The following RADIL variants were observed in gnomAD, a reference collection of about 807,000 sequenced individuals.
RADIL encodes Rap associating with DIL domain.
RADIL carries 99 observed loss-of-function variants against 97.6 expected under a neutral mutation model. That is an observed-to-expected ratio of 1.01 (90% CI 0.86 to 1.20). The LOEUF is 1.20. RADIL is among the 50% of genes most tolerant of loss of function. RADIL has a pLI of 0.00. For synonymous variants in RADIL, 803 were observed against 691.8 expected (o/e 1.16, Z -2.52); for missense variants, 1,765 against 1,498.9 (o/e 1.18, Z -2.93).
chr7:4,809,158 C>T, intron 9 of RADIL: 1 of 985,254 alleles, frequency 1.0e-6, no homozygotes, highest in Non-Finnish European at 1.2e-6. Context: ...CCGGCCGCTT[C>T]TGGAAGACCC....
At chr7:4,859,120 T>C (rs1216128716) in intron 2 of RADIL, 1 of 152,276 alleles carries the variant, frequency 6.6e-6, no homozygotes, top group Non-Finnish European at 1.5e-5. Flanking sequence ...GGGTTACAGC[T>C]ACCTCATAGG....
At chr7:4,805,286 C>A in intron 10 of RADIL, 1 of 402,002 alleles carries the variant, frequency 2.5e-6, no homozygotes, top group East Asian at 3.5e-5. Context: ...TCCTCCGGCT[C>A]CGTGAGGGAA....
In RADIL at chr7:4,811,454, G is replaced by A. The variant is rs1054537708; in HGVS notation, c.2139+3824C>T. The stretch of plus-strand genomic sequence containing the variant: ...TTCCTCTTTTTCTACTTTCTGGTAA[G>A]AATTTGGTACTGATGGTATTATTTC... On this transcript the variant is annotated intron_variant, in intron 9 of 14. Transcript: ENST00000399583. 1.8e-4 allele frequency among the ~76,000 whole-genome samples: 25 copies of A among 140,500 alleles called. No homozygotes were observed. The South Asian group carries it at 2.4e-3, about 14-fold the overall frequency. 92.2% of individuals were successfully genotyped at this position (140,500 alleles called of 152,430 possible).
chr7:4,877,679 G>C lies in RADIL; in HGVS notation c.461C>G (p.Ser154Cys). The change falls in exon 2 of 15, where the codon TCC (serine) becomes TGC (cysteine). Residue 154 changes from serine to cysteine, a missense_variant. Physicochemically the swap from Ser to Cys is moderately radical, Grantham distance 112 (BLOSUM62 -1). Coordinates refer to ENST00000399583, the MANE Select transcript of RADIL (RefSeq NM_018059.5). ...CCTCTTCCTCAGCTCAAACCTCCGG[G>C]ATAAACCTTCTCGGGGTTTCCATAA... is the stretch of plus-strand genomic sequence containing the variant. ...QELWKPREGL[S>C]RRFELRKRSD... 2 of 1,614,170 alleles carry C rather than the reference G, an allele frequency of 1.2e-6. No homozygotes were observed. Among genetic ancestry groups the C allele is most frequent in the Non-Finnish European group, 1.7e-6 (2 of 1,180,012 alleles).
rs368100702 is a variant in RADIL, at chr7:4,805,659, G to A, written c.2197C>T (p.Arg733Trp). The A allele has an allele frequency of 3.7e-5, 60 of 1,611,628 alleles. No individual in the cohort carries two copies. Among genetic ancestry groups the A allele is most frequent in the Non-Finnish European group, 4.7e-5 (56 of 1,179,874 alleles). ...GCCAGCTGGTAGTGAGTCAGCAGCC[G>A]GTGCAGCTGTGCTGGGCTCAGTGCG... Reference protein sequence around the residue: ...FPALSPAQLHRLLTHYQLASA... With the variant: ...FPALSPAQLHWLLTHYQLASA... The change falls in exon 10 of 15, where the codon CGG (arginine) becomes TGG (tryptophan). Residue 733 changes from arginine to tryptophan, a missense_variant. Physicochemically the swap from Arg to Trp is moderately radical, Grantham distance 101. Transcript: ENST00000399583.
chr7:4,832,248 C>CAT (rs3830494), intron 4 of RADIL, 70 bp from the exon 5 acceptor site: 540,178 of 1,453,794 alleles, frequency 0.37, 106,003 homozygotes, highest in African/African-American at 0.56. Context: ...TTCAAATACA[C>CAT]GATACCATCG....
chr7:4,853,935 T>C (rs889612754), intron 2 of RADIL, among the ~76,000 whole-genome samples: 2 of 152,082 alleles, frequency 1.3e-5, no homozygotes, highest in African/African-American at 4.8e-5. Context: ...AAAGAGACAT[T>C]TTCCTGTCTC....
intron 2 of RADIL, among the ~76,000 whole-genome samples, chr7:4,875,193 AACAACAACAAC>A (rs1562460611): frequency 0.041 from 557 of 13,550 alleles, 73 homozygotes; most frequent in Admixed American, 0.073. Flanking sequence ...CTCCATCTCC[AACAACAACAAC>A]AACAACAACA....
intron 10 of RADIL, 107 bp from the exon 11 acceptor site, chr7:4,803,861 T>C (rs1220415286): frequency 5.0e-6 from 5 of 992,386 alleles, no homozygotes; most frequent in Non-Finnish European, 6.2e-6. Context: ...GATTGAGCCC[T>C]GAGTCCCCTG....
In RADIL at chr7:4,883,628, C is replaced by G. The variant is rs1262757612; in HGVS notation, c.-97G>C. ...ACAACCCGCCGCGCCGCCACGTTCCCGCGCTGCTCCCACCCGCCGTTGGCT... is the reference window on the plus strand; with the variant it reads ...ACAACCCGCCGCGCCGCCACGTTCCGGCGCTGCTCCCACCCGCCGTTGGCT... On this transcript the variant is annotated 5_prime_UTR_variant, in exon 1 of 15. Coordinates refer to ENST00000399583, the MANE Select transcript of RADIL (RefSeq NM_018059.5). This position sits in a 1 kb window ranked among gnomAD's most constrained non-coding sequence, Gnocchi z 7.1. 1 of 151,950 alleles carries G rather than the reference C, an allele frequency of 6.6e-6. No individual in the cohort carries two copies. The highest frequency in any genetic ancestry group is 6.6e-5 in the Admixed American group (1 of 15,220). The allele number at this position is 151,950 out of a possible 1,614,324, so 9.4% of individuals were successfully genotyped here.
Position 4,878,130 on chromosome 7 carries a change from CA to C in RADIL, c.9del (p.Tyr3Ter). On this transcript the variant is annotated frameshift_variant, in exon 2 of 15. Coordinates refer to ENST00000399583, the MANE Select transcript of RADIL (RefSeq NM_018059.5). LOFTEE classifies it high-confidence loss of function. The surrounding 1 kb of genome is among the most constrained non-coding windows in gnomAD (Gnocchi z 4.1). Reference protein sequence around the residue: MFYGTHFIMSPPT... With the variant: MFXGTHFIMSPPT... ...GGCGGGGACATGATGAAGTGCGTCC[CA>C]TAAAACATGGTGGGTGAGGCTTCAT... 6.4e-7 allele frequency: 1 copy of C among 1,554,340 alleles called. No individual in the cohort carries two copies. The highest frequency in any genetic ancestry group is 8.7e-7 in the Non-Finnish European group (1 of 1,150,416).
intron 5 of RADIL, among the ~76,000 whole-genome samples, chr7:4,826,552 G>C (rs974562909): frequency 1.3e-5 from 2 of 151,910 alleles, no homozygotes; most frequent in Non-Finnish European, 1.5e-5. Context: ...GGCCAATATG[G>C]TGAACCCCTG....
chr7:4,800,021 T>C (rs1289725937), intron 13 of RADIL, 150 bp downstream of exon 13: 7 of 1,263,606 alleles, frequency 5.5e-6, no homozygotes, highest in Non-Finnish European at 7.4e-6. Flanking sequence ...ACAGGCTGGG[T>C]TCCCCTCCCA....
At chr7:4,853,003 C>T (rs772781409) in intron 2 of RADIL, among the ~76,000 whole-genome samples, 3 of 152,272 alleles carry the variant, frequency 2.0e-5, no homozygotes, top group South Asian at 2.1e-4. Context: ...TATACCCAGA[C>T]GCCCCATTCA....
rs563790810 is a variant in RADIL at position 4,815,518 on chromosome 7, C to T, written c.1967-68G>A. 9 of 1,408,122 alleles carry T rather than the reference C, an allele frequency of 6.4e-6. No individual in the cohort carries two copies. Among genetic ancestry groups the T allele is most frequent in the African/African-American group, 2.9e-5 (2 of 68,758 alleles). The allele number at this position is 1,408,122 out of a possible 1,614,324, so 87.2% of individuals were successfully genotyped here. A position where few individuals can be genotyped will look rare whatever the true frequency, so the allele number is the denominator to read the frequency against. On this transcript the variant is annotated intron_variant, in intron 8 of 14. Coordinates refer to ENST00000399583, the MANE Select transcript of RADIL (RefSeq NM_018059.5). The surrounding 1 kb of genome is among the most constrained non-coding windows in gnomAD (Gnocchi z 8.0). The stretch of plus-strand genomic sequence containing the variant: ...TGGGGGGACACAGACATGGGCCTGT[C>T]CCCAGAGCCTGCCCTTCCCGGCTCT...
chr7:4,870,245 A>G (rs971647659), intron 2 of RADIL, among the ~76,000 whole-genome samples: 2 of 152,198 alleles, frequency 1.3e-5, no homozygotes. Context: ...CTCAGTCTGT[A>G]TATATCTGAC....
intron 9 of RADIL, among the ~76,000 whole-genome samples, chr7:4,807,241 C>A (rs546638846): frequency 2.6e-5 from 4 of 152,150 alleles, no homozygotes; most frequent in South Asian, 2.1e-4. Context: ...GTGTCTCGGG[C>A]GTCGTGCAGG....
intron 7 of RADIL, 46 bp from the exon 8 acceptor site, chr7:4,816,511 C>T (rs957552635): frequency 5.9e-6 from 9 of 1,534,526 alleles, no homozygotes; most frequent in Non-Finnish European, 8.0e-6. Flanking sequence ...TCCAGGAGCG[C>T]TGGCGGCCGA....
Position 4,818,266 on chromosome 7 carries a change from G to A in RADIL, c.1616-915C>T, listed in dbSNP as rs966232629. Among the ~76,000 whole-genome samples the A allele has an allele frequency of 2.0e-5, 3 of 152,180 alleles. No individual in the cohort carries two copies. Among genetic ancestry groups the A allele is most frequent in the Non-Finnish European group, 4.4e-5 (3 of 68,014 alleles). The stretch of plus-strand genomic sequence containing the variant: ...GAGCCAGGCCAACACTCACCCCAGC[G>A]CGGGCCTCCCAGGAGCACAGGCCCC... On this transcript the variant is annotated intron_variant, in intron 6 of 14. Transcript: ENST00000399583. The surrounding 1 kb of genome is among the most constrained non-coding windows in gnomAD (Gnocchi z 7.1).
Sources: allele counts gnomAD v4.1 joint callset (sites outside exome capture counted in the v4.1 genomes callset), GRCh38; gene constraint gnomAD v4.1.1; non-coding constraint Gnocchi (gnomAD v3.1); transcripts MANE v1.5; gene names NCBI Gene and HGNC (gene_info 2026-07-23, HGNC 2026-07-21).